The following LGR4 variants were observed in gnomAD, a reference collection of about 807,000 sequenced individuals.
LGR4 encodes leucine-rich repeat-containing G protein-coupled receptor 4.
A neutral mutation model predicts 84.8 loss-of-function variants in LGR4; 44 were observed. The observed-to-expected ratio is 0.52, with a 90% CI of 0.41 to 0.67. LGR4 has a LOEUF of 0.67. Ranked by LOEUF, LGR4 falls within the 30% of genes least tolerant of loss-of-function variation. LGR4 has a pLI of 0.00. For missense variants in LGR4, 1,032 were observed against 1,131.4 expected (o/e 0.91, Z 1.26); for synonymous variants, 429 against 434.3 (o/e 0.99, Z 0.15).
chr11:27,398,766 T>C (rs914205497), intron 2 of LGR4, among the ~76,000 whole-genome samples: 2 of 152,168 alleles, frequency 1.3e-5, no homozygotes. Flanking sequence ...ACCTTCCCTT[T>C]GCAGAGGTGG....
Position 27,368,175 on chromosome 11 carries a change from G to T in LGR4, c.2548C>A (p.His850Asn). Residue 850 changes from histidine to asparagine, a missense_variant, in exon 18 of 18, where the codon CAT becomes AAT. By Grantham distance (68) the His-to-Asn change is moderately conservative (BLOSUM62 1). Coordinates refer to ENST00000379214, the MANE Select transcript of LGR4 (RefSeq NM_018490.5). ...CAAACAGTCAGGTTGCCCTGCAAAT[G>T]TGAGTACATGCCACAGTCGTAGTAG... Reference protein sequence around the residue: ...DFYYDCGMYSHLQGNLTVCDC... With the variant: ...DFYYDCGMYSNLQGNLTVCDC... 6.2e-7 allele frequency: 1 copy of T among 1,614,228 alleles called. No homozygotes were observed. The highest frequency in any genetic ancestry group is 8.5e-7 in the Non-Finnish European group (1 of 1,180,046).
chr11:27,369,847 A>G (rs1378895405), intron 17 of LGR4, among the ~76,000 whole-genome samples: 1 of 152,206 alleles, frequency 6.6e-6, no homozygotes, highest in African/African-American at 2.4e-5. Context: ...CCCATTTTTC[A>G]TCCAGAGAAA....
chr11:27,448,421 T>C (rs1334148751), intron 1 of LGR4, among the ~76,000 whole-genome samples: 1 of 151,756 alleles, frequency 6.6e-6, no homozygotes, highest in Non-Finnish European at 1.5e-5. Context: ...GCCTCCTGAG[T>C]AGCTGGGATT....
chr11:27,418,827 G>T (rs1863869292), intron 1 of LGR4, among the ~76,000 whole-genome samples: 1 of 144,092 alleles, frequency 6.9e-6, no homozygotes, highest in Admixed American at 6.8e-5. Context: ...TTCGTGGATT[G>T]AAATCTTTTT....
intron 2 of LGR4, among the ~76,000 whole-genome samples, chr11:27,410,298 A>G (rs1863686116): frequency 2.0e-5 from 3 of 152,130 alleles, no homozygotes; most frequent in African/African-American, 4.8e-5. Flanking sequence ...GTAAGTATCT[A>G]TACATACTTC....
At chr11:27,434,009 G>A (rs1265691688) in intron 1 of LGR4, among the ~76,000 whole-genome samples, 10 of 152,230 alleles carry the variant, frequency 6.6e-5, no homozygotes. Flanking sequence ...ACAGTCAAAT[G>A]GGAAAATATC....
chr11:27,441,489 G>A (rs907548710), intron 1 of LGR4, among the ~76,000 whole-genome samples: 3 of 152,074 alleles, frequency 2.0e-5, no homozygotes, highest in African/African-American at 7.3e-5. Context: ...TAAGACAACA[G>A]GGTAAGAGGG....
rs1267346024 is a variant in LGR4 at position 27,472,722 on chromosome 11, CTG to C, written c.-422_-421del. On this transcript the variant is annotated 5_prime_UTR_variant, in exon 1 of 18. Coordinates refer to ENST00000379214, the MANE Select transcript of LGR4 (RefSeq NM_018490.5). ...TGGCTCTCGCACAAACACCCAGACTCTGGCTCGCTGTCTCCCAGCCGCGGCTC... is the reference window on the plus strand; with the variant it reads ...TGGCTCTCGCACAAACACCCAGACTCGCTCGCTGTCTCCCAGCCGCGGCTC... 2.8e-6 allele frequency: 1 copy of C among 360,222 alleles called. No individual in the cohort carries two copies. The highest frequency in any genetic ancestry group is 5.0e-6 in the Non-Finnish European group (1 of 201,938). The allele number at this position is 360,222 out of a possible 1,614,324, so 22.3% of individuals were successfully genotyped here. A position where few individuals can be genotyped will look rare whatever the true frequency, so the allele number is the denominator to read the frequency against.
At chr11:27,408,988 G>A (rs1403600939) in intron 2 of LGR4, among the ~76,000 whole-genome samples, 1 of 152,024 alleles carries the variant, frequency 6.6e-6, no homozygotes, top group Non-Finnish European at 1.5e-5. Context: ...ACAGGTGTTG[G>A]GGGAGAGCAG....
chr11:27,373,780 T>A, intron 14 of LGR4, 104 bp from the exon 15 acceptor site: 1 of 1,185,754 alleles, frequency 8.4e-7, no homozygotes, highest in Non-Finnish European at 1.2e-6. Context: ...AAGATGAAGT[T>A]CAAGTGGGGG....
chr11:27,438,557 A>T (rs1373047054), intron 1 of LGR4, among the ~76,000 whole-genome samples: 6 of 152,156 alleles, frequency 3.9e-5, no homozygotes, highest in African/African-American at 1.4e-4. Flanking sequence ...ATTTGGTTAA[A>T]CGTTATTCTT....
intron 1 of LGR4, among the ~76,000 whole-genome samples, chr11:27,415,865 C>G (rs1590376102): frequency 6.6e-6 from 1 of 152,046 alleles, no homozygotes; most frequent in East Asian, 1.9e-4. Flanking sequence ...TATAGATAGT[C>G]TTAAGAGTAG....
intron 2 of LGR4, among the ~76,000 whole-genome samples, chr11:27,398,006 A>G (rs1412546852): frequency 6.6e-6 from 1 of 152,188 alleles, no homozygotes; most frequent in Non-Finnish European, 1.5e-5. Flanking sequence ...GCGGCATACA[A>G]GTGGCTCAGT....
chr11:27,471,948 A>T, intron 1 of LGR4, 170 bp downstream of exon 1: 1 of 389,526 alleles, frequency 2.6e-6, no homozygotes, highest in Non-Finnish European at 4.4e-6. Context: ...CCCGTGGCAC[A>T]GGAGTGGGTG....
intron 1 of LGR4, among the ~76,000 whole-genome samples, chr11:27,431,769 T>C (rs1864120730): frequency 6.6e-6 from 1 of 152,220 alleles, no homozygotes. Context: ...CCATATAATA[T>C]TATTTCAGTC....
chr11:27,369,978 T>C (rs79076592), intron 17 of LGR4, among the ~76,000 whole-genome samples: 1,671 of 152,294 alleles, frequency 0.011, 28 homozygotes, highest in East Asian at 0.079. Context: ...TAATACAAAC[T>C]AGCATTGCAA....
intron 9 of LGR4, 90 bp from the exon 10 acceptor site, chr11:27,380,429 C>T (rs1863070899): frequency 2.1e-6 from 2 of 938,944 alleles, no homozygotes; most frequent in African/African-American, 1.7e-5. Flanking sequence ...GCAACTATAA[C>T]TAAAAATAAA....
intron 4 of LGR4, among the ~76,000 whole-genome samples, chr11:27,389,361 G>C (rs1041647870): frequency 1.3e-5 from 2 of 151,980 alleles, no homozygotes; most frequent in African/African-American, 4.8e-5. Flanking sequence ...TCCCAATTTT[G>C]GAGATAATTT....
At chr11:27,389,727 C>T (rs1406460401) in intron 4 of LGR4, among the ~76,000 whole-genome samples, 3 of 152,100 alleles carry the variant, frequency 2.0e-5, no homozygotes, top group Admixed American at 2.0e-4. Flanking sequence ...ATTTAAAATG[C>T]CTGATGAATT....
Sources: allele counts gnomAD v4.1 joint callset (sites outside exome capture counted in the v4.1 genomes callset), GRCh38; gene constraint gnomAD v4.1.1; transcripts MANE v1.5; gene names NCBI Gene and HGNC (gene_info 2026-07-23, HGNC 2026-07-21).